SORCS1: variants seen among roughly 807,000 people sequenced by gnomAD.
SORCS1 encodes the protein VPS10 domain-containing receptor SorCS1.
A neutral mutation model predicts 146.1 loss-of-function variants in SORCS1; 60 were observed. The observed-to-expected ratio is 0.41, with a 90% CI of 0.33 to 0.51. SORCS1 has a LOEUF of 0.51. SORCS1 is among the 20% of genes least tolerant of loss of function. The pLI is 0.21. For synonymous variants in SORCS1, 637 were observed against 584.0 expected (o/e 1.09, Z -1.31); for missense variants, 1,352 against 1,487.6 (o/e 0.91, Z 1.50).
At chr10:106,599,484 C>T (rs537644561) in intron 23 of SORCS1, among the ~76,000 whole-genome samples, 9 of 152,040 alleles carry the variant, frequency 5.9e-5, no homozygotes, top group Admixed American at 2.0e-4. Context: ...GTGTTCTTAT[C>T]TTTTAATTGG....
At chr10:106,909,244 G>C (rs1190679592) in intron 2 of SORCS1, among the ~76,000 whole-genome samples, 2 of 152,186 alleles carry the variant, frequency 1.3e-5, no homozygotes, top group Admixed American at 6.5e-5. Context: ...TGCCTTGCTT[G>C]CCCTCAATCT....
chr10:106,943,614 C>T (rs822079), intron 2 of SORCS1, among the ~76,000 whole-genome samples: 102,201 of 151,300 alleles, frequency 0.68, 34,582 homozygotes, highest in East Asian at 0.81. Context: ...AAGACCATCC[C>T]GGCTAACACT....
intron 23 of SORCS1, 67 bp from the exon 24 acceptor site, chr10:106,597,517 A>G: frequency 2.5e-6 from 3 of 1,213,450 alleles, no homozygotes; most frequent in South Asian, 2.5e-5. Context: ...TAAGCTTAGA[A>G]ATATTTACTA....
chr10:106,945,831 G>A (rs1266006786), intron 2 of SORCS1, among the ~76,000 whole-genome samples: 1 of 152,180 alleles, frequency 6.6e-6, no homozygotes, highest in African/African-American at 2.4e-5. Flanking sequence ...GCAAGCTGAG[G>A]CCAGACTCTC....
intron 23 of SORCS1, among the ~76,000 whole-genome samples, chr10:106,600,878 G>A (rs753248329): frequency 1.6e-4 from 25 of 152,184 alleles, no homozygotes; most frequent in Non-Finnish European, 2.8e-4. Context: ...TTGGAGAGAC[G>A]TCTGGCAGGA....
intron 2 of SORCS1, among the ~76,000 whole-genome samples, chr10:106,918,031 A>G (rs928095050): frequency 6.6e-6 from 1 of 152,174 alleles, no homozygotes; most frequent in Admixed American, 6.5e-5. Flanking sequence ...GAACTCGCCA[A>G]TTAAGTTTCC....
chr10:106,584,767 A>T (rs1303965254), intron 24 of SORCS1, among the ~76,000 whole-genome samples: 4 of 152,212 alleles, frequency 2.6e-5, no homozygotes, highest in African/African-American at 9.6e-5. Flanking sequence ...CAAGTGAAGC[A>T]TTGTTTCTGA....
At chr10:106,784,659 G>A (rs1053898710) in intron 3 of SORCS1, among the ~76,000 whole-genome samples, 1 of 152,132 alleles carries the variant, frequency 6.6e-6, no homozygotes, top group East Asian at 1.9e-4. Flanking sequence ...ATTTTAAAAT[G>A]TTAGCTGCTA....
At chr10:106,766,669 G>A (rs376919307) in intron 4 of SORCS1, among the ~76,000 whole-genome samples, 57 of 152,296 alleles carry the variant, frequency 3.7e-4, no homozygotes, top group African/African-American at 1.3e-3. Flanking sequence ...AGAGCAGATA[G>A]TGAAAGAGCC....
chr10:107,084,754 T>C (rs1298118199), intron 1 of SORCS1, among the ~76,000 whole-genome samples: 1 of 152,180 alleles, frequency 6.6e-6, no homozygotes, highest in Non-Finnish European at 1.5e-5. Context: ...TCCTGACCCA[T>C]AATGAGACTA....
At chr10:107,168,598 CT>C (rs1344823017), upstream of SORCS1, among the ~76,000 whole-genome samples, 2 of 149,460 alleles carry the variant, frequency 1.3e-5, no homozygotes, top group African/African-American at 4.9e-5. Flanking sequence ...GTAACTAGTA[CT>C]TTGTAAATCA....
chr10:106,656,134 T>TC (rs542644609), intron 17 of SORCS1, among the ~76,000 whole-genome samples: 2 of 152,218 alleles, frequency 1.3e-5, no homozygotes, highest in Admixed American at 6.5e-5. Flanking sequence ...ATCTTACTAC[T>TC]CCAACAACCC....
chr10:106,661,520 A>G (rs1011794448), intron 17 of SORCS1, among the ~76,000 whole-genome samples: 1 of 152,214 alleles, frequency 6.6e-6, no homozygotes, highest in Non-Finnish European at 1.5e-5. Flanking sequence ...AATAAAAGTA[A>G]GTTTTTTCCC....
At chr10:107,160,182 T>A (rs1005264719) in intron 1 of SORCS1, among the ~76,000 whole-genome samples, 1 of 152,176 alleles carries the variant, frequency 6.6e-6, no homozygotes, top group African/African-American at 2.4e-5. Context: ...TCATCAGAAA[T>A]CAACTCAAGA....
chr10:106,813,979 G>A lies in SORCS1; in HGVS notation c.726+15595C>T, dbSNP rs577291020. Among the ~76,000 whole-genome samples, 14 of 152,108 alleles carry A rather than the reference G, an allele frequency of 9.2e-5. No individual in the cohort carries two copies. The South Asian group carries it at 1.0e-3, about 11-fold the overall frequency. On this transcript the variant is annotated intron_variant, in intron 3 of 25. Coordinates refer to ENST00000263054, the MANE Select transcript of SORCS1 (RefSeq NM_052918.5). The stretch of plus-strand genomic sequence containing the variant: ...AAACAAAAACAAAAGAAATACCAAC[G>A]AGAAAATCCATCAACTTCCTTTTAT...
rs1007422140 is a variant in SORCS1 at position 106,776,389 on chromosome 10, C to G, written c.885+145G>C. 7 of 979,326 alleles carry G rather than the reference C, an allele frequency of 7.1e-6. No homozygotes were observed. The African/African-American group carries it at 9.8e-5, about 14-fold the overall frequency. The allele number at this position is 979,326 out of a possible 1,614,324, so 60.7% of individuals were successfully genotyped here. A position where few individuals can be genotyped will look rare whatever the true frequency, so the allele number is the denominator to read the frequency against. ...AACAAGCAACCTGAGACTCTCCTTGCTTTCCCTTGTCCCATTAGCACAGAG... is the reference window on the plus strand; with the variant it reads ...AACAAGCAACCTGAGACTCTCCTTGGTTTCCCTTGTCCCATTAGCACAGAG... On this transcript the variant is annotated intron_variant, in intron 4 of 25. Transcript: ENST00000263054.
At chr10:106,954,359 G>C (rs886730403) in intron 2 of SORCS1, among the ~76,000 whole-genome samples, 3 of 152,184 alleles carry the variant, frequency 2.0e-5, no homozygotes, top group African/African-American at 7.2e-5. Flanking sequence ...CAGAGTCACA[G>C]AGATTCTGAT....
chr10:107,179,294 A>G, the SORCS1 span, among the ~76,000 whole-genome samples: 2 of 152,216 alleles, frequency 1.3e-5, no homozygotes, highest in Non-Finnish European at 2.9e-5. Context: ...TTCACTACAA[A>G]GAAAAGTATG....
At chr10:106,651,352 T>C (rs1034194550) in intron 18 of SORCS1, among the ~76,000 whole-genome samples, 11 of 152,190 alleles carry the variant, frequency 7.2e-5, no homozygotes, top group African/African-American at 2.7e-4. Flanking sequence ...CACTGTTTTG[T>C]TTTTCTTGAA....
Sources: allele counts gnomAD v4.1 joint callset (sites outside exome capture counted in the v4.1 genomes callset), GRCh38; gene constraint gnomAD v4.1.1; transcripts MANE v1.5; gene names NCBI Gene and HGNC (gene_info 2026-07-23, HGNC 2026-07-21).